The following CSMD3 variants were observed in gnomAD, a reference collection of about 807,000 sequenced individuals.
CSMD3 encodes the protein CUB and Sushi multiple domains 3, also known as CUB and sushi domain-containing protein 3.
Under a neutral mutation model 435.2 loss-of-function variants are expected in CSMD3, and 177 were observed. The ratio of observed to expected loss-of-function variants is 0.41; its 90% CI spans 0.36 to 0.46. CSMD3 has a LOEUF of 0.46. Ranked by LOEUF, CSMD3 falls within the 20% of genes least tolerant of loss-of-function variation. The pLI, the probability that CSMD3 is intolerant of heterozygous loss-of-function variation, is 0.34. For missense variants in CSMD3, 4,265 were observed against 4,504.6 expected (o/e 0.95, Z 1.52); for synonymous variants, 1,656 against 1,520.5 (o/e 1.09, Z -2.07).
chr8:112,342,414 TG>T (rs1825212523), intron 41 of CSMD3, among the ~76,000 whole-genome samples: 1 of 152,144 alleles, frequency 6.6e-6, no homozygotes, highest in African/African-American at 2.4e-5. Flanking sequence ...GTAAATTTGA[TG>T]TTTTTCTTAC....
At chr8:112,851,132 A>T (rs2080472487) in intron 11 of CSMD3, among the ~76,000 whole-genome samples, 1 of 152,150 alleles carries the variant, frequency 6.6e-6, no homozygotes, top group Admixed American at 6.6e-5. Context: ...ATTCCTTATA[A>T]TTACATCAGT....
intron 28 of CSMD3, among the ~76,000 whole-genome samples, chr8:112,511,985 G>C (rs566528030): frequency 6.6e-6 from 1 of 152,118 alleles, no homozygotes; most frequent in Non-Finnish European, 1.5e-5. Context: ...TGAGATTGTA[G>C]CAATCCTGTC....
At position 112,492,484 on chromosome 8, in the gene CSMD3, C is replaced by T. The variant is rs2130851865; in HGVS notation, c.5278+5G>A. 3.1e-6 allele frequency: 5 copies of T among 1,612,418 alleles called. No homozygotes were observed. Among genetic ancestry groups the T allele is most frequent in the Non-Finnish European group, 4.2e-6 (5 of 1,178,580 alleles). On this transcript the variant is annotated splice_donor_5th_base_variant and intron_variant, in intron 31 of 70. Transcript: ENST00000297405. ...GAAAATTCAGCCAAAAAATATGTTCCTTACCATGACAACTTGGCAAGGCTC... is the reference window on the plus strand; with the variant it reads ...GAAAATTCAGCCAAAAAATATGTTCTTTACCATGACAACTTGGCAAGGCTC...
At chr8:113,148,435 T>C (rs1326110997) in intron 4 of CSMD3, among the ~76,000 whole-genome samples, 5 of 151,796 alleles carry the variant, frequency 3.3e-5, no homozygotes, top group African/African-American at 7.2e-5. Context: ...ATAGCTCTTA[T>C]GATAAATGTA....
At chr8:113,253,462 T>C (rs2093351771) in intron 3 of CSMD3, among the ~76,000 whole-genome samples, 1 of 152,030 alleles carries the variant, frequency 6.6e-6, no homozygotes, top group East Asian at 1.9e-4. Context: ...ACTTTTTAAA[T>C]TTAAAACTGT....
chr8:112,481,377 C>G (rs1292362696), intron 31 of CSMD3, among the ~76,000 whole-genome samples: 1 of 152,180 alleles, frequency 6.6e-6, no homozygotes, highest in Admixed American at 6.5e-5. Context: ...AATTTCACAT[C>G]TGTCTCTTCA....
intron 58 of CSMD3, among the ~76,000 whole-genome samples, chr8:112,285,443 A>G (rs1819093049): frequency 6.6e-6 from 1 of 152,140 alleles, no homozygotes; most frequent in Admixed American, 6.6e-5. Flanking sequence ...CCAGTTACAA[A>G]AAGATAACTA....
chr8:113,067,789 A>G (rs1404726394), intron 5 of CSMD3, among the ~76,000 whole-genome samples: 1 of 152,118 alleles, frequency 6.6e-6, no homozygotes, highest in Non-Finnish European at 1.5e-5. Flanking sequence ...GAGTGCTAGC[A>G]GTGGTTAATG....
At chr8:113,357,761 G>C (rs1015047869) in intron 1 of CSMD3, among the ~76,000 whole-genome samples, 1 of 152,144 alleles carries the variant, frequency 6.6e-6, no homozygotes, top group African/African-American at 2.4e-5. Context: ...TGTCATGATA[G>C]CAAGTGAGTT....
chr8:112,627,017 G>C (rs1310699296), intron 22 of CSMD3, among the ~76,000 whole-genome samples: 1 of 151,934 alleles, frequency 6.6e-6, no homozygotes, highest in Non-Finnish European at 1.5e-5. Flanking sequence ...TAAACACACA[G>C]CAAATATTAG....
In CSMD3 at chr8:112,314,475, T is replaced by A. The variant is rs2130836358; in HGVS notation, c.7503A>T (p.Glu2501Asp). 1 of 1,612,712 alleles carries A rather than the reference T, an allele frequency of 6.2e-7. No individual in the cohort carries two copies. The highest frequency in any genetic ancestry group is 8.5e-7 in the Non-Finnish European group (1 of 1,178,852). Residue 2501 changes from glutamate (E) to aspartate (D), a missense_variant, in exon 48 of 71, where the codon GAA becomes GAT. Glu to Asp is a conservative substitution (Grantham distance 45, BLOSUM62 2). Around this residue, in one of 3 missense-constraint regions of CSMD3, gnomAD observed 3,255 missense variants for 3,380.2 expected, o/e 0.96. Coordinates refer to ENST00000297405, the MANE Select transcript of CSMD3 (RefSeq NM_198123.2). ...CAAATTCCTTTTCTGTCTGGAAGAA[T>A]TCTACAAACATGGTGATATTATAAC... ...EKGYNITMFV[E>D]FFQTEKEFDV...
chr8:112,241,640 A>G, intron 66 of CSMD3, 80 bp downstream of exon 66: 1 of 902,388 alleles, frequency 1.1e-6, no homozygotes, highest in Non-Finnish European at 1.8e-6. Context: ...TATTTTTTAA[A>G]TACACAGTTA....
At chr8:112,970,345 G>A (rs1172577344) in intron 7 of CSMD3, among the ~76,000 whole-genome samples, 4 of 141,150 alleles carry the variant, frequency 2.8e-5, no homozygotes, top group East Asian at 4.2e-4. Flanking sequence ...GCAGTGAGCC[G>A]AGATCATGCC....
intron 35 of CSMD3, among the ~76,000 whole-genome samples, chr8:112,394,865 A>C (rs1428819689): frequency 2.0e-5 from 3 of 152,220 alleles, no homozygotes; most frequent in Non-Finnish European, 4.4e-5. Context: ...CTATGTCACC[A>C]GTGCTTAGAA....
chr8:112,295,088 T>C (rs142080600), intron 54 of CSMD3, among the ~76,000 whole-genome samples: 133 of 152,250 alleles, frequency 8.7e-4, no homozygotes, highest in Non-Finnish European at 1.5e-3. Context: ...GAGTTCATGA[T>C]ATCATTCATA....
chr8:113,183,490 G>A (rs1315325421), intron 3 of CSMD3, among the ~76,000 whole-genome samples: 2 of 151,958 alleles, frequency 1.3e-5, no homozygotes, highest in Non-Finnish European at 2.9e-5. Flanking sequence ...GAAACAATAA[G>A]CTTGGACGGA....
At chr8:113,423,637 A>T (rs1487641118) in intron 1 of CSMD3, among the ~76,000 whole-genome samples, 1 of 151,944 alleles carries the variant, frequency 6.6e-6, no homozygotes, top group Non-Finnish European at 1.5e-5. Flanking sequence ...AAGAATCTTA[A>T]ATGCTGATGT....
At chr8:112,971,875 T>C (rs1237251129) in intron 7 of CSMD3, among the ~76,000 whole-genome samples, 1 of 152,088 alleles carries the variant, frequency 6.6e-6, no homozygotes, top group Non-Finnish European at 1.5e-5. Context: ...TTAAGATAAT[T>C]TAAATTGTTG....
At chr8:112,548,168 CA>C (rs1827353995) in intron 27 of CSMD3, among the ~76,000 whole-genome samples, 1 of 152,064 alleles carries the variant, frequency 6.6e-6, no homozygotes, top group Non-Finnish European at 1.5e-5. Context: ...TCCTATAGGG[CA>C]AAATGCTTAG....
Sources: allele counts gnomAD v4.1 joint callset (sites outside exome capture counted in the v4.1 genomes callset), GRCh38; gene constraint gnomAD v4.1.1; regional missense constraint gnomAD v4.1.1; transcripts MANE v1.5; gene names NCBI Gene and HGNC (gene_info 2026-07-23, HGNC 2026-07-21).